Variants in PPP2R5C observed in about 807,000 individuals in gnomAD.
The protein encoded by PPP2R5C is serine/threonine-protein phosphatase 2A 56 kDa regulatory subunit gamma isoform.
Under a neutral mutation model 68.9 loss-of-function variants are expected in PPP2R5C, and 7 were observed. The ratio of observed to expected loss-of-function variants is 0.10; its 90% confidence interval spans 0.06 to 0.19. The LOEUF (loss-of-function observed/expected upper bound fraction) is 0.19. Ranked by LOEUF, PPP2R5C falls within the 10% of genes least tolerant of loss-of-function variation. The probability of loss-of-function intolerance (pLI) is 1.00; values close to 1 mark genes in which losing one functional copy is unlikely to be tolerated. For synonymous variants in PPP2R5C, 210 were observed against 222.2 expected (o/e 0.95, Z 0.49); for missense variants, 348 against 641.3 (o/e 0.54, Z 4.94).
chr14:101,890,367 C>T, intron 6 of PPP2R5C, 71 bp downstream of exon 8: 1 of 1,408,442 alleles, frequency 7.1e-7, no homozygotes, highest in Non-Finnish European at 9.9e-7. Context: ...TTCATTGAGT[C>T]CAGCTGCCCG....
rs533663245 is a variant in PPP2R5C at position 101,783,624 on chromosome 14, C to T, written c.94-2394C>T. Among the ~76,000 whole-genome samples the T allele has an allele frequency of 7.2e-5, 11 of 152,258 alleles. No individual in the cohort carries two copies. The South Asian group carries it at 2.3e-3, about 32-fold the overall frequency. ...ATTTTCTCAGGGGCAGAAGCCTATC[C>T]TCAGTGTGTCCCCATGGCAGTCAAG... On this transcript the variant is annotated intron_variant, in intron 2 of 14. Transcript: ENST00000328724.
intron 1 of PPP2R5C, chr14:101,836,341 C>T (rs750226264): frequency 1.3e-5 from 9 of 702,252 alleles, no homozygotes; most frequent in East Asian, 2.7e-5. Context: ...CCTCTACTCC[C>T]GACCTGCCAG....
At chr14:101,927,290 A>T (rs1042515767) in exon 14 of PPP2R5C, 2 of 152,384 alleles carry the variant, frequency 1.3e-5, no homozygotes, top group South Asian at 4.1e-4. Context: ...TCTGCTCTTT[A>T]TTGAAGACAA....
chr14:101,890,914 A>T (rs2044850776), intron 6 of PPP2R5C, among the ~76,000 whole-genome samples: 1 of 151,798 alleles, frequency 6.6e-6, no homozygotes. Flanking sequence ...CTGGGACTAC[A>T]GGTGCCCGCC....
intron 1 of PPP2R5C, among the ~76,000 whole-genome samples, chr14:101,827,309 A>G (rs2040458765): frequency 6.6e-6 from 1 of 152,034 alleles, no homozygotes; most frequent in Non-Finnish European, 1.5e-5. Context: ...TGGAAAACTG[A>G]TATTCTAGGA....
intron 11 of PPP2R5C, among the ~76,000 whole-genome samples, chr14:101,910,506 T>C (rs2046320334): frequency 6.6e-6 from 1 of 152,234 alleles, no homozygotes; most frequent in Non-Finnish European, 1.5e-5. Flanking sequence ...TTTTAGATTC[T>C]GGCAATATAG....
chr14:101,796,608 G>A (rs534086687), intron 3 of PPP2R5C: 48 of 155,964 alleles, frequency 3.1e-4, no homozygotes, highest in Middle Eastern at 3.3e-3. Context: ...TGGGGAGCCC[G>A]TTGCCTGTCA....
chr14:101,852,880 C>T (rs1047229438), intron 1 of PPP2R5C, among the ~76,000 whole-genome samples: 2 of 151,992 alleles, frequency 1.3e-5, no homozygotes, highest in African/African-American at 2.4e-5. Context: ...TATATTGCTC[C>T]GGGGTATGAT....
chr14:101,856,051 A>G (rs1021862544), intron 1 of PPP2R5C, among the ~76,000 whole-genome samples: 8 of 152,208 alleles, frequency 5.3e-5, no homozygotes, highest in Non-Finnish European at 1.2e-4. Context: ...GGATGAGGGA[A>G]ATGCAGTGTG....
At chr14:101,884,713 GC>G (rs1311210962) in intron 5 of PPP2R5C, among the ~76,000 whole-genome samples, 1 of 152,194 alleles carries the variant, frequency 6.6e-6, no homozygotes, top group Non-Finnish European at 1.5e-5. Flanking sequence ...CAGTGTTGGA[GC>G]CTCCTGGAAT....
At chr14:101,764,308 G>A (rs1024679632) in intron 2 of PPP2R5C, among the ~76,000 whole-genome samples, 9 of 152,176 alleles carry the variant, frequency 5.9e-5, no homozygotes, top group African/African-American at 2.2e-4. Context: ...TGAATCCATG[G>A]GTAGCACATA....
At chr14:101,845,582 T>C (rs184160391) in intron 1 of PPP2R5C, among the ~76,000 whole-genome samples, 1 of 152,238 alleles carries the variant, frequency 6.6e-6, no homozygotes, top group Non-Finnish European at 1.5e-5. Flanking sequence ...AATATCTGCC[T>C]TATTAAATTA....
chr14:101,910,398 T>C lies in PPP2R5C; in HGVS notation c.1253+708T>C, dbSNP rs545257199. ...AATACACTGTATACATATGTGTGTA[T>C]CTATGTGTGTGTGTGTGTGTGTATA... On this transcript the variant is annotated intron_variant, in intron 11 of 13. Coordinates refer to ENST00000334743, the Ensembl canonical transcript of PPP2R5C. 3.7e-5 allele frequency among the ~76,000 whole-genome samples: 5 copies of C among 134,056 alleles called. No homozygotes were observed. In the South Asian group the frequency reaches 1.1e-3, roughly 30 times the overall value. The allele number at this position is 134,056 out of a possible 152,430, so 87.9% of individuals were successfully genotyped here.
At chr14:101,883,144 T>C (rs1434076580) in intron 3 of PPP2R5C, 113 bp from the exon 6 acceptor site, 1 of 684,022 alleles carries the variant, frequency 1.5e-6, no homozygotes, top group Non-Finnish European at 2.4e-6. Context: ...TGTAGATATG[T>C]GGCTTTGAGA....
chr14:101,823,214 C>G (rs1244391956), intron 1 of PPP2R5C, among the ~76,000 whole-genome samples: 1 of 152,176 alleles, frequency 6.6e-6, no homozygotes, highest in Non-Finnish European at 1.5e-5. Context: ...AAGCTAATAG[C>G]CTTAGCTATG....
In PPP2R5C at chr14:101,867,488, A is replaced by G. The variant is rs150683259; in HGVS notation, c.294+10603A>G. Reference sequence around the variant, plus strand: ...AGATATTTTTCTTTCTTAAAAATAAAAACAAGCGGCCAGGCGCGGTAGCTC... The same window carrying G: ...AGATATTTTTCTTTCTTAAAAATAAGAACAAGCGGCCAGGCGCGGTAGCTC... On this transcript the variant is annotated intron_variant, in intron 2 of 13. Transcript: ENST00000334743. 5.3e-5 allele frequency among the ~76,000 whole-genome samples: 8 copies of G among 152,162 alleles called. No homozygotes were observed. The East Asian group carries it at 1.6e-3, about 30-fold the overall frequency.
intron 2 of PPP2R5C, 32 bp from the exon 3 acceptor site, chr14:101,785,986 A>G (rs750912426): frequency 9.9e-6 from 15 of 1,510,410 alleles, no homozygotes; most frequent in South Asian, 1.3e-5. Flanking sequence ...ACCATTGTAC[A>G]TATTCATTTG....
intron 1 of PPP2R5C, among the ~76,000 whole-genome samples, chr14:101,844,550 G>A (rs951265670): frequency 1.3e-5 from 2 of 152,204 alleles, no homozygotes; most frequent in Non-Finnish European, 2.9e-5. Context: ...CCCCGGGCTG[G>A]ACGTCATTTG....
chr14:101,827,428 T>C (rs1388974978), intron 1 of PPP2R5C, among the ~76,000 whole-genome samples: 1 of 152,126 alleles, frequency 6.6e-6, no homozygotes, highest in African/African-American at 2.4e-5. Flanking sequence ...AGTTCTTAGA[T>C]TTATAAATCT....
Sources: allele counts gnomAD v4.1 joint callset (sites outside exome capture counted in the v4.1 genomes callset), GRCh38; gene constraint gnomAD v4.1.1; transcripts MANE v1.5; gene names NCBI Gene and HGNC (gene_info 2026-07-23, HGNC 2026-07-21).